CCDC150: variants seen among roughly 807,000 people sequenced by gnomAD.
The protein encoded by CCDC150 is coiled-coil domain containing 150.
A neutral mutation model predicts 156.5 loss-of-function variants in CCDC150; 151 were observed. The observed-to-expected ratio is 0.97, with a 90% confidence interval of 0.85 to 1.10. The LOEUF (loss-of-function observed/expected upper bound fraction) is 1.10. CCDC150 is among the 50% of genes least tolerant of loss of function. The probability of loss-of-function intolerance (pLI) is 0.00; values close to 1 mark genes in which losing one functional copy is unlikely to be tolerated. For synonymous variants in CCDC150, 452 were observed against 429.4 expected, an observed-to-expected ratio of 1.05 and a Z score of -0.65; for missense variants, 1,312 against 1,268.1, an observed-to-expected ratio of 1.03 and a Z score of -0.53.
intron 1 of CCDC150, among the ~76,000 whole-genome samples, chr2:196,642,614 C>G (rs1248230274): frequency 6.6e-6 from 1 of 152,224 alleles, no homozygotes; most frequent in Admixed American, 6.5e-5. Flanking sequence ...TTACCGCCCC[C>G]TCCCTTGCTT....
At chr2:196,681,744 A>G (rs185446904) in intron 13 of CCDC150, among the ~76,000 whole-genome samples, 3 of 152,110 alleles carry the variant, frequency 2.0e-5, no homozygotes, top group Non-Finnish European at 4.4e-5. Context: ...TTGTGTGCTT[A>G]CTGGCCATTT....
At position 196,649,197 on chromosome 2, in the gene CCDC150, G is replaced by A. The variant is rs530921056; in HGVS notation, c.176+2693G>A. On this transcript the variant is annotated intron_variant, in intron 2 of 27. Coordinates refer to ENST00000389175, the MANE Select transcript of CCDC150 (RefSeq NM_001080539.2). ...TGACATTGGGATTTTAATAGGGATT[G>A]CCCTGAATCTGTAGATGGCTTTGGG... Among the ~76,000 whole-genome samples, 364 of 152,280 alleles carry A rather than the reference G, an allele frequency of 2.4e-3. 4 individuals carry two copies. Among genetic ancestry groups the A allele is most frequent in the African/African-American group, 8.3e-3 (346 of 41,558 alleles).
intron 13 of CCDC150, among the ~76,000 whole-genome samples, chr2:196,691,501 G>A (rs1009023045): frequency 5.9e-5 from 9 of 152,130 alleles, no homozygotes; most frequent in Non-Finnish European, 1.0e-4. Flanking sequence ...GTACATAGAG[G>A]TGTTTTTAAT....
intron 21 of CCDC150, among the ~76,000 whole-genome samples, chr2:196,724,372 A>G (rs886804860): frequency 6.6e-6 from 1 of 152,204 alleles, no homozygotes; most frequent in Admixed American, 6.5e-5. Context: ...AAAATTAAAA[A>G]TTAAAGTTAA....
intron 1 of CCDC150, among the ~76,000 whole-genome samples, chr2:196,642,512 A>C (rs1190951450): frequency 2.6e-5 from 4 of 152,068 alleles, no homozygotes; most frequent in African/African-American, 9.7e-5. Flanking sequence ...AATTTACTGG[A>C]TTGAAAGTTC....
chr2:196,661,848 C>T (rs1693581095), intron 5 of CCDC150, among the ~76,000 whole-genome samples: 1 of 152,116 alleles, frequency 6.6e-6, no homozygotes, highest in South Asian at 2.1e-4. Context: ...GAAAATGTCT[C>T]TTTTTAAAAG....
Position 196,695,044 on chromosome 2 carries a change from A to T in CCDC150, c.1510-2A>T, listed in dbSNP as rs766386075. Reference sequence around the variant, plus strand: ...TTCTTTTTTACTTTTGTTTCTTTAAAGGTAGACATAAATACATTAACTCAT... The same window carrying T: ...TTCTTTTTTACTTTTGTTTCTTTAATGGTAGACATAAATACATTAACTCAT... On this transcript the variant is annotated splice_acceptor_variant, in intron 13 of 27. Transcript: ENST00000389175. LOFTEE classifies it high-confidence loss of function. 1 of 1,512,152 alleles carries T rather than the reference A, an allele frequency of 6.6e-7. No individual in the cohort carries two copies. Among genetic ancestry groups the T allele is most frequent in the Non-Finnish European group, 9.1e-7 (1 of 1,104,864 alleles). The allele number at this position is 1,512,152 out of a possible 1,614,324, so 93.7% of individuals were successfully genotyped here.
rs370689689 is a variant in CCDC150, at chr2:196,656,666, C to G, written c.210C>G (p.Asp70Glu). 4.2e-5 allele frequency: 67 copies of G among 1,612,166 alleles called. No homozygotes were observed. The highest frequency in any genetic ancestry group is 5.3e-5 in the Non-Finnish European group (63 of 1,179,090). ...TGGAAGCTCCAGACTGTTTAGAAGA[C>G]CTGGACAGCCAGAAAGTCATTAGTC... ...GYLEAPDCLE[D>E]LDSQKVISPI... is the part of the protein sequence containing the mutation. The change falls in exon 3 of 28, where the codon GAC (aspartate) becomes GAG (glutamate). Residue 70 changes from aspartate to glutamate, a missense_variant. Physicochemically the swap from Asp to Glu is conservative, Grantham distance 45. Transcript: ENST00000389175.
chr2:196,641,850 A>G (rs1692250192), intron 1 of CCDC150, among the ~76,000 whole-genome samples: 1 of 152,218 alleles, frequency 6.6e-6, no homozygotes, highest in African/African-American at 2.4e-5. Flanking sequence ...ATGTACTTGT[A>G]TACGCTTTTG....
intron 13 of CCDC150, 125 bp from the exon 14 acceptor site, chr2:196,694,921 T>G (rs1221145508): frequency 7.6e-6 from 4 of 523,080 alleles, no homozygotes; most frequent in Non-Finnish European, 1.4e-5. Flanking sequence ...ATTTCCACAT[T>G]TAGAGGCAAG....
intron 1 of CCDC150, among the ~76,000 whole-genome samples, chr2:196,643,110 T>C (rs1692333990): frequency 6.6e-6 from 1 of 152,216 alleles, no homozygotes; most frequent in Admixed American, 6.5e-5. Context: ...TTCAGCAACT[T>C]TGATGACCTG....
At chr2:196,696,838 C>T (rs1158832276) in intron 14 of CCDC150, among the ~76,000 whole-genome samples, 1 of 152,230 alleles carries the variant, frequency 6.6e-6, no homozygotes. Context: ...AGAGTACCAT[C>T]TGGTCTAACC....
intron 15 of CCDC150, among the ~76,000 whole-genome samples, chr2:196,703,484 A>G (rs906450376): frequency 3.3e-5 from 5 of 152,194 alleles, no homozygotes; most frequent in African/African-American, 4.8e-5. Flanking sequence ...TTAATCATCT[A>G]TAAAATGATG....
chr2:196,730,909 G>A lies in CCDC150; in HGVS notation c.3033G>A (p.Glu1011=). 6.2e-7 allele frequency: 1 copy of A among 1,601,638 alleles called. No homozygotes were observed. Among genetic ancestry groups the A allele is most frequent in the Non-Finnish European group, 8.5e-7 (1 of 1,173,954 alleles). Residue 1011 remains glutamate (E), a synonymous_variant, in exon 26 of 28, where the codon GAG becomes GAA. Coordinates refer to ENST00000389175, the MANE Select transcript of CCDC150 (RefSeq NM_001080539.2). ...TGAAGAAATGTAAAGAGGCAACAGA[G>A]AATACGCTGAAAGAAGCCAGTGTGG... ...RHLKKCKEAT[E]NTLKEASVES... is the part of the protein sequence containing the mutation.
intron 13 of CCDC150, among the ~76,000 whole-genome samples, chr2:196,690,136 AAC>A (rs1695369430): frequency 1.3e-5 from 2 of 152,044 alleles, no homozygotes; most frequent in African/African-American, 4.8e-5. Context: ...CAAAAAACCA[AAC>A]ACCGCATATT....
chr2:196,724,661 C>T (rs908728749), intron 21 of CCDC150, among the ~76,000 whole-genome samples: 2 of 152,148 alleles, frequency 1.3e-5, no homozygotes, highest in African/African-American at 4.8e-5. Flanking sequence ...ATCCAGGCAG[C>T]AGCAGGCTGA....
chr2:196,683,176 G>C (rs971294788), intron 13 of CCDC150, among the ~76,000 whole-genome samples: 4 of 151,930 alleles, frequency 2.6e-5, no homozygotes, highest in African/African-American at 9.7e-5. Context: ...TGTTCATCAG[G>C]ATTAGAAAAT....
At chr2:196,701,973 T>C (rs975180774) in intron 15 of CCDC150, among the ~76,000 whole-genome samples, 44 of 152,226 alleles carry the variant, frequency 2.9e-4, no homozygotes, top group African/African-American at 1.0e-3. Context: ...GGTTCATACC[T>C]GATCCCAACA....
intron 13 of CCDC150, among the ~76,000 whole-genome samples, chr2:196,682,843 A>G (rs949700559): frequency 6.6e-6 from 1 of 152,072 alleles, no homozygotes; most frequent in Admixed American, 6.5e-5. Context: ...TCTATAAACT[A>G]TATCTCTATA....
Sources: gnomAD v4.1 joint callset for allele counts (sites outside exome capture counted in the v4.1 genomes callset) on GRCh38, gnomAD v4.1.1 for gene constraint, MANE v1.5 for transcripts, NCBI Gene and HGNC (gene_info 2026-07-23, HGNC 2026-07-21) for gene names.